Variants in LTBP1 observed in about 807,000 individuals in gnomAD.
LTBP1 encodes the protein latent-transforming growth factor beta-binding protein 1.
A neutral mutation model predicts 207.6 loss-of-function variants in LTBP1; 129 were observed. The ratio of observed to expected loss-of-function variants is 0.62; its 90% CI spans 0.54 to 0.72. LTBP1 has a LOEUF of 0.72. Among genes scored for constraint, LTBP1 ranks in the 30% least tolerant of loss-of-function variants. The probability of loss-of-function intolerance (pLI) is 0.00; values close to 1 mark genes in which losing one functional copy is unlikely to be tolerated. For missense variants in LTBP1, 2,281 were observed against 2,217.2 expected, an observed-to-expected ratio of 1.03 and a Z score of -0.58; for synonymous variants, 963 against 833.7, an observed-to-expected ratio of 1.16 and a Z score of -2.67.
chr2:33,198,212 G>A lies in LTBP1; in HGVS notation c.1701+9361G>A, dbSNP rs537788734. On this transcript the variant is annotated intron_variant, in intron 7 of 33. Coordinates refer to ENST00000404816, the MANE Select transcript of LTBP1 (RefSeq NM_206943.4). ...TGCTGGATTACATTTATTGATTTGCGTATATTGAACCAGCCTTGCATCCCA... is the reference window on the plus strand; with the variant it reads ...TGCTGGATTACATTTATTGATTTGCATATATTGAACCAGCCTTGCATCCCA... Among the ~76,000 whole-genome samples the A allele has an allele frequency of 7.2e-3, 1,096 of 152,244 alleles. 11 individuals are homozygous for A. The highest frequency in any genetic ancestry group is 0.024 in the African/African-American group (988 of 41,534).
At chr2:33,068,953 A>G (rs1392568546) in intron 3 of LTBP1, among the ~76,000 whole-genome samples, 1 of 152,178 alleles carries the variant, frequency 6.6e-6, no homozygotes, top group African/African-American at 2.4e-5. Flanking sequence ...ATCAATGTTT[A>G]ACTATTCTAA....
At chr2:33,321,013 A>G (rs1448268799) in intron 24 of LTBP1, among the ~76,000 whole-genome samples, 2 of 152,150 alleles carry the variant, frequency 1.3e-5, no homozygotes, top group Non-Finnish European at 2.9e-5. Flanking sequence ...TAATAATTCT[A>G]TATTCCACTC....
chr2:33,265,088 C>A (rs2093137703), intron 15 of LTBP1, among the ~76,000 whole-genome samples: 1 of 152,146 alleles, frequency 6.6e-6, no homozygotes. Context: ...GAGCCCAGCA[C>A]CCAGCAGATA....
chr2:33,093,287 G>A (rs752797242), intron 3 of LTBP1, among the ~76,000 whole-genome samples: 3 of 152,056 alleles, frequency 2.0e-5, no homozygotes, highest in Non-Finnish European at 4.4e-5. Context: ...AAATGCAAAC[G>A]TCTTTGGCTT....
chr2:33,221,625 T>C (rs1444934854), intron 8 of LTBP1, among the ~76,000 whole-genome samples: 1 of 152,202 alleles, frequency 6.6e-6, no homozygotes, highest in East Asian at 1.9e-4. Context: ...GTATAATTTA[T>C]TGTCTAAAGT....
intron 5 of LTBP1, among the ~76,000 whole-genome samples, chr2:33,177,027 C>T (rs962787268): frequency 1.3e-5 from 2 of 152,220 alleles, no homozygotes; most frequent in African/African-American, 4.8e-5. Flanking sequence ...TCTCATTTTA[C>T]AGGTGAAGAA....
At chr2:33,311,097 T>C (rs1441814686) in intron 23 of LTBP1, among the ~76,000 whole-genome samples, 3 of 152,182 alleles carry the variant, frequency 2.0e-5, no homozygotes, top group Non-Finnish European at 4.4e-5. Context: ...ACAGTCTTCT[T>C]GTAGGAGAAG....
chr2:33,218,160 A>G (rs756432674), intron 8 of LTBP1, among the ~76,000 whole-genome samples: 2 of 152,224 alleles, frequency 1.3e-5, no homozygotes, highest in African/African-American at 4.8e-5. Flanking sequence ...AGAGAAATTT[A>G]TAATCACTAG....
chr2:33,002,109 T>G (rs219172), intron 2 of LTBP1, among the ~76,000 whole-genome samples: 116,904 of 131,736 alleles, frequency 0.89, 54,900 homozygotes, highest in East Asian at 1. Context: ...TGTCCCCTCA[T>G]TTGTTGAAAT....
chr2:33,393,377 G>A (rs758393132), intron 32 of LTBP1, among the ~76,000 whole-genome samples: 1 of 150,636 alleles, frequency 6.6e-6, no homozygotes, highest in African/African-American at 2.5e-5. Context: ...GTGTCATGTC[G>A]GTGTGCTGCA....
At chr2:32,978,893 C>G (rs1418700943) in intron 2 of LTBP1, among the ~76,000 whole-genome samples, 1 of 151,670 alleles carries the variant, frequency 6.6e-6, no homozygotes, top group Non-Finnish European at 1.5e-5. Context: ...ATTACTCAGT[C>G]TGTTCAGGTT....
At chr2:32,978,297 C>A (rs931919834) in intron 2 of LTBP1, among the ~76,000 whole-genome samples, 2 of 152,076 alleles carry the variant, frequency 1.3e-5, no homozygotes, top group African/African-American at 4.8e-5. Flanking sequence ...TGTTCCAGAT[C>A]TTTTCCCCAT....
At chr2:33,328,165 A>ATAAATAAATAAATAAATAAG (rs1553503606) in intron 24 of LTBP1, among the ~76,000 whole-genome samples, 1 of 149,692 alleles carries the variant, frequency 6.7e-6, no homozygotes, top group Non-Finnish European at 1.5e-5. Context: ...AAATAAATAA[A>ATAAATAAATAAATAAATAAG]TAAAATAAAA....
Position 32,947,665 on chromosome 2 carries a change from C to T in LTBP1, c.341C>T (p.Pro114Leu). 6.9e-7 allele frequency: 1 copy of T among 1,439,142 alleles called. No individual in the cohort carries two copies. Among genetic ancestry groups the T allele is most frequent in the East Asian group, 3.1e-5 (1 of 32,388 alleles). 89.1% of individuals were successfully genotyped at this position (1,439,142 alleles called of 1,614,324 possible). Residue 114 changes from proline (P) to leucine (L), a missense_variant, in exon 1 of 34, where the codon CCC becomes CTC. Coordinates refer to ENST00000404816, the MANE Select transcript of LTBP1 (RefSeq NM_206943.4). ...PPPEPARPAV[P>L]GGQLHPNPGG... ...CCGGAGCCTGCGCGTCCCGCGGTCC[C>T]CGGCGGGCAGCTCCACCCCAATCCC... is the stretch of plus-strand genomic sequence containing the variant.
chr2:32,993,086 C>T (rs1270402561), intron 2 of LTBP1, among the ~76,000 whole-genome samples: 3 of 151,994 alleles, frequency 2.0e-5, no homozygotes, highest in Non-Finnish European at 2.9e-5. Context: ...CAGCTGGCAG[C>T]GGGGGGATGC....
chr2:33,012,852 A>G (rs979159702), intron 2 of LTBP1, among the ~76,000 whole-genome samples: 4 of 152,250 alleles, frequency 2.6e-5, no homozygotes, highest in African/African-American at 9.6e-5. Context: ...TGTACTCATC[A>G]TACATATATA....
chr2:33,211,670 C>T (rs80317296), intron 7 of LTBP1, among the ~76,000 whole-genome samples: 2,250 of 152,286 alleles, frequency 0.015, 23 homozygotes, highest in East Asian at 0.026. Flanking sequence ...AATGAGGGTA[C>T]GTTGTAGGCA....
At chr2:33,286,847 C>T (rs544438523) in intron 19 of LTBP1, among the ~76,000 whole-genome samples, 1 of 152,222 alleles carries the variant, frequency 6.6e-6, no homozygotes, top group Non-Finnish European at 1.5e-5. Flanking sequence ...AACCAAACAC[C>T]GCATGTTCTC....
intron 7 of LTBP1, among the ~76,000 whole-genome samples, chr2:33,196,820 C>T (rs570610817): frequency 6.9e-4 from 105 of 152,128 alleles, no homozygotes; most frequent in African/African-American, 2.4e-3. Flanking sequence ...TCAAGGAAGT[C>T]CAGGGTGTTT....
Sources: gnomAD v4.1 joint callset for allele counts (sites outside exome capture counted in the v4.1 genomes callset) on GRCh38, gnomAD v4.1.1 for gene constraint, MANE v1.5 for transcripts, NCBI Gene and HGNC (gene_info 2026-07-23, HGNC 2026-07-21) for gene names.